The following MSTN variants were observed in gnomAD, a reference collection of about 807,000 sequenced individuals.
MSTN encodes the protein myostatin.
MSTN carries 12 observed loss-of-function variants against 32.3 expected under a neutral mutation model. That is an observed-to-expected ratio of 0.37 (90% CI 0.24 to 0.60). MSTN has a LOEUF of 0.60. Ranked by LOEUF, MSTN falls within the 20% of genes least tolerant of loss-of-function variation. The probability of loss-of-function intolerance (pLI) is 0.67; values close to 1 mark genes in which losing one functional copy is unlikely to be tolerated. For synonymous variants in MSTN, 168 were observed against 155.1 expected, an observed-to-expected ratio of 1.08 and a Z score of -0.62; for missense variants, 403 against 450.3, an observed-to-expected ratio of 0.89 and a Z score of 0.95.
rs777766023 is a variant in MSTN at position 190,062,315 on chromosome 2, A to G, written c.282T>C (p.Tyr94=). 1.9e-6 allele frequency: 3 copies of G among 1,613,394 alleles called. No homozygotes were observed. The South Asian group carries it at 3.3e-5, about 18-fold the overall frequency. ...APPLRELIDQ[Y]DVQRDDSSDG... ...CGCTGCTGTCATCCCTCTGGACATC[A>G]TACTGATCAATCAGTTCCCGGAGTG... Residue 94 remains tyrosine, a synonymous_variant, in exon 1 of 3, where the codon TAT becomes TAC. Transcript: ENST00000260950.
At chr2:190,059,492 A>T (rs908308823) in intron 2 of MSTN, among the ~76,000 whole-genome samples, 4 of 152,002 alleles carry the variant, frequency 2.6e-5, no homozygotes, top group African/African-American at 9.7e-5. Flanking sequence ...TACACACATC[A>T]GTGCATCAAC....
chr2:190,057,579 A>C lies in MSTN; in HGVS notation c.807T>G (p.Gly269=). Residue 269 remains glycine, a synonymous_variant, in exon 3 of 3, where the codon GGT becomes GGG. Transcript: ENST00000260950. The part of the protein sequence containing the change: ...DTPKRSRRDF[G]LDCDEHSTES... The stretch of plus-strand genomic sequence containing the variant: ...CTGTTGAGTGCTCATCACAGTCAAG[A>C]CCAAAATCCCTTCTGGATCTTTTTG... 6.2e-7 allele frequency: 1 copy of C among 1,613,462 alleles called. No homozygotes were observed. The highest frequency in any genetic ancestry group is 8.5e-7 in the Non-Finnish European group (1 of 1,179,542).
In MSTN at chr2:190,062,486, C is replaced by A. The variant is rs1406224588; in HGVS notation, c.111G>T (p.Gly37=). 3.1e-6 allele frequency: 5 copies of A among 1,613,432 alleles called. No individual in the cohort carries two copies. The change falls in exon 1 of 3, where the codon GGG becomes GGT. Residue 37 remains glycine, a synonymous_variant. Coordinates refer to ENST00000260950, the MANE Select transcript of MSTN (RefSeq NM_005259.3). ...GTCTCCAAGTACATGCATTACACAG[C>A]CCCTCTTTTTCCACATTTTCTTTTT... ...SEQKENVEKE[G]LCNACTWRQN... is the part of the protein sequence containing the mutation.
At chr2:190,061,887 G>A (rs1161852717) in intron 1 of MSTN, among the ~76,000 whole-genome samples, 1 of 151,462 alleles carries the variant, frequency 6.6e-6, no homozygotes, top group African/African-American at 2.4e-5. Context: ...AAAATCTAAT[G>A]TAAGTTTTAA....
Position 190,062,645 on chromosome 2 carries a change from T to A in MSTN, c.-49A>T, listed in dbSNP as rs1685631530. 2.5e-6 allele frequency: 4 copies of A among 1,583,970 alleles called. No homozygotes were observed. The highest frequency in any genetic ancestry group is 1.4e-5 in the African/African-American group (1 of 73,766). On this transcript the variant is annotated 5_prime_UTR_variant, in exon 1 of 3. Transcript: ENST00000260950. ...TTTTCTTGTTCTTGTTTCTTCCTTT[T>A]ACTTTTCTTTTGCTTTTGAGTAATG...
Position 190,062,430 on chromosome 2 carries a change from A to C in MSTN, c.167T>G (p.Ile56Ser), listed in dbSNP as rs1385082025. The change falls in exon 1 of 3, where the codon ATT becomes AGT. Residue 56 changes from isoleucine (I) to serine (S), a missense_variant. Coordinates refer to ENST00000260950, the MANE Select transcript of MSTN (RefSeq NM_005259.3). ...QNTKSSRIEA[I>S]KIQILSKLRL... Reference sequence around the variant, plus strand: ...AAGTTTACTGAGGATTTGTATCTTAATGGCTTCTATTCTTGAAGATTTAGT... The same window carrying C: ...AAGTTTACTGAGGATTTGTATCTTACTGGCTTCTATTCTTGAAGATTTAGT... 6.2e-7 allele frequency: 1 copy of C among 1,613,362 alleles called. No individual in the cohort carries two copies. The highest frequency in any genetic ancestry group is 2.2e-5 in the East Asian group (1 of 44,880).
At chr2:190,059,384 C>T (rs1316871648) in intron 2 of MSTN, among the ~76,000 whole-genome samples, 2 of 151,822 alleles carry the variant, frequency 1.3e-5, no homozygotes, top group Non-Finnish European at 2.9e-5. Flanking sequence ...TAAATTTTTG[C>T]ACAAGAATGC....
chr2:190,062,647 CTTTTCT>C lies in MSTN; in HGVS notation c.-57_-52del, dbSNP rs773967756. 1.3e-6 allele frequency: 2 copies of C among 1,581,744 alleles called. No individual in the cohort carries two copies. Among genetic ancestry groups the C allele is most frequent in the Non-Finnish European group, 1.7e-6 (2 of 1,163,038 alleles). On this transcript the variant is annotated 5_prime_UTR_variant, in exon 1 of 3. Coordinates refer to ENST00000260950, the MANE Select transcript of MSTN (RefSeq NM_005259.3). ...TTCTTGTTCTTGTTTCTTCCTTTTA[CTTTTCT>C]TTTGCTTTTGAGTAATGCCAAGCAA... is the stretch of plus-strand genomic sequence containing the variant.
chr2:190,057,476 A>G lies in MSTN; in HGVS notation c.910T>C (p.Tyr304His). ...TCTCCAGAGCAGTAATTGGCCTTAT[A>G]TCTTTTAGGAGCGATAATCCAATCC... ...GWDWIIAPKR[Y>H]KANYCSGECE... Residue 304 changes from tyrosine (Y) to histidine (H), a missense_variant, in exon 3 of 3, where the codon TAT becomes CAT. By Grantham distance (83) the Tyr-to-His change is moderately conservative (BLOSUM62 2). Coordinates refer to ENST00000260950, the MANE Select transcript of MSTN (RefSeq NM_005259.3). The G allele has an allele frequency of 1.2e-6, 2 of 1,613,606 alleles. No individual in the cohort carries two copies. Among genetic ancestry groups the G allele is most frequent in the Non-Finnish European group, 1.7e-6 (2 of 1,179,582 alleles).
Position 190,062,614 on chromosome 2 carries a change from A to G in MSTN, c.-18T>C, listed in dbSNP as rs1424656277. On this transcript the variant is annotated 5_prime_UTR_variant, in exon 1 of 3. Coordinates refer to ENST00000260950, the MANE Select transcript of MSTN (RefSeq NM_005259.3). ...TTTTGCATGATTTTAAAATCAATAT[A>G]ATCTTTTTTCTTGTTCTTGTTTCTT... 1 of 1,607,514 alleles carries G rather than the reference A, an allele frequency of 6.2e-7. No individual in the cohort carries two copies. The highest frequency in any genetic ancestry group is 2.2e-5 in the East Asian group (1 of 44,812).
rs551592533 is a variant in MSTN at position 190,057,224 on chromosome 2, T to C, written c.*34A>G. On this transcript the variant is annotated 3_prime_UTR_variant, in exon 3 of 3. Transcript: ENST00000260950. ...AAATTGTTGAGGGGAAAACCTTCCATGTTTTAGGAAGTTATGAACGCTTAA... is the reference window on the plus strand; with the variant it reads ...AAATTGTTGAGGGGAAAACCTTCCACGTTTTAGGAAGTTATGAACGCTTAA... 129 of 1,611,316 alleles carry C rather than the reference T, an allele frequency of 8.0e-5. 1 individual carries two copies. In the South Asian group the frequency reaches 1.3e-3, roughly 17 times the overall value.
intron 1 of MSTN, among the ~76,000 whole-genome samples, chr2:190,061,592 A>G (rs1387905838): frequency 2.0e-5 from 3 of 152,034 alleles, no homozygotes; most frequent in African/African-American, 7.2e-5. Flanking sequence ...TTTCTTAGGC[A>G]TTTTCTAATA....
chr2:190,062,219 C>G lies in MSTN; in HGVS notation c.373+5G>C. 1 of 1,612,826 alleles carries G rather than the reference C, an allele frequency of 6.2e-7. No homozygotes were observed. Among genetic ancestry groups the G allele is most frequent in the Non-Finnish European group, 8.5e-7 (1 of 1,179,066 alleles). ...CTGTTGATATACACTAATAGGACTA[C>G]TTACACTCTGTAGGCATGGTAATGA... On this transcript the variant is annotated splice_donor_5th_base_variant and intron_variant, in intron 1 of 2. Coordinates refer to ENST00000260950, the MANE Select transcript of MSTN (RefSeq NM_005259.3).
chr2:190,062,640 C>A lies in MSTN; in HGVS notation c.-44G>T, dbSNP rs773512887. The A allele has an allele frequency of 4.4e-6, 7 of 1,589,432 alleles. No homozygotes were observed. Among genetic ancestry groups the A allele is most frequent in the Non-Finnish European group, 6.0e-6 (7 of 1,167,158 alleles). ...ATCTTTTTTCTTGTTCTTGTTTCTT[C>A]CTTTTACTTTTCTTTTGCTTTTGAG... On this transcript the variant is annotated 5_prime_UTR_variant, in exon 1 of 3. Transcript: ENST00000260950.
chr2:190,062,115 C>G (rs1244877983), intron 1 of MSTN, 109 bp downstream of exon 1: 6 of 1,163,354 alleles, frequency 5.2e-6, no homozygotes, highest in Non-Finnish European at 7.4e-6. Flanking sequence ...TTTCTACTTA[C>G]ATACAGGCCA....
chr2:190,061,286 AAC>A (rs569825818), intron 1 of MSTN, among the ~76,000 whole-genome samples: 1 of 152,058 alleles, frequency 6.6e-6, no homozygotes, highest in Non-Finnish European at 1.5e-5. Context: ...GATAACAGGT[AAC>A]ACAAAATTTT....
rs1431878218 is a variant in MSTN, at chr2:190,060,100, G to A, written c.709C>T (p.Leu237Phe). The part of the protein sequence containing the change: ...IKALDENGHD[L>F]AVTFPGPGED... The stretch of plus-strand genomic sequence containing the variant: ...CCTGGTCCTGGGAAGGTTACAGCAA[G>A]ATCATGACCATTCTCATCTAAAGCT... The change falls in exon 2 of 3, where the codon CTT becomes TTT. Residue 237 changes from leucine (L) to phenylalanine (F), a missense_variant. Physicochemically the swap from Leu to Phe is conservative, Grantham distance 22 (BLOSUM62 0). Coordinates refer to ENST00000260950, the MANE Select transcript of MSTN (RefSeq NM_005259.3). 1 of 1,612,598 alleles carries A rather than the reference G, an allele frequency of 6.2e-7. No individual in the cohort carries two copies. The highest frequency in any genetic ancestry group is 1.7e-5 in the Admixed American group (1 of 59,898).
chr2:190,062,603 A>T lies in MSTN; in HGVS notation c.-7T>A, dbSNP rs1482954759. On this transcript the variant is annotated 5_prime_UTR_variant, in exon 1 of 3. Transcript: ENST00000260950. The stretch of plus-strand genomic sequence containing the variant: ...AGAGTTGCAGTTTTTGCATGATTTT[A>T]AAATCAATATAATCTTTTTTCTTGT... The T allele has an allele frequency of 6.2e-7, 1 of 1,610,312 alleles. No homozygotes were observed. The highest frequency in any genetic ancestry group is 8.5e-7 in the Non-Finnish European group (1 of 1,178,072).
At chr2:190,059,437 T>C (rs3791783) in intron 2 of MSTN, among the ~76,000 whole-genome samples, 53,112 of 151,798 alleles carry the variant, frequency 0.35, 13,305 homozygotes, top group African/African-American at 0.71. Context: ...GGTTAACTAG[T>C]ATGTAACTTG....
Sources: gnomAD v4.1 joint callset for allele counts (sites outside exome capture counted in the v4.1 genomes callset) on GRCh38, gnomAD v4.1.1 for gene constraint, MANE v1.5 for transcripts, NCBI Gene and HGNC (gene_info 2026-07-23, HGNC 2026-07-21) for gene names.